The following CLVS1 variants were observed in gnomAD, a reference collection of about 807,000 sequenced individuals.
The protein encoded by CLVS1 is clavesin-1.
Under a neutral mutation model 33.1 loss-of-function variants are expected in CLVS1, and 10 were observed. The observed-to-expected ratio is 0.30, with a 90% confidence interval of 0.19 to 0.51. The LOEUF (loss-of-function observed/expected upper bound fraction) is 0.51, where lower values mean the gene tolerates loss of function less well. Ranked by LOEUF, CLVS1 falls within the 20% of genes least tolerant of loss-of-function variation. The probability of loss-of-function intolerance (pLI) is 0.97; values close to 1 mark genes in which losing one functional copy is unlikely to be tolerated. For synonymous variants in CLVS1, 163 were observed against 166.1 expected, an observed-to-expected ratio of 0.98 and a Z score of 0.14; for missense variants, 343 against 433.4, an observed-to-expected ratio of 0.79 and a Z score of 1.85.
intron 2 of CLVS1, among the ~76,000 whole-genome samples, chr8:61,186,393 C>A (rs901984622): frequency 6.6e-6 from 1 of 152,180 alleles, no homozygotes; most frequent in Non-Finnish European, 1.5e-5. Flanking sequence ...AATTTTCATT[C>A]CTTCTCTGCA....
chr8:61,131,510 C>A (rs1224720660), intron 1 of CLVS1, among the ~76,000 whole-genome samples: 2 of 152,010 alleles, frequency 1.3e-5, no homozygotes, highest in African/African-American at 4.8e-5. Context: ...GAAGGACGGG[C>A]CTTTGGCTGG....
chr8:61,488,887 AGGATG>A (rs1180858310), intron 5 of CLVS1, among the ~76,000 whole-genome samples: 3 of 152,174 alleles, frequency 2.0e-5, no homozygotes, highest in Non-Finnish European at 4.4e-5. Flanking sequence ...TGCAAGTTCC[AGGATG>A]GGTGTGTCTT....
intron 1 of CLVS1, among the ~76,000 whole-genome samples, chr8:61,088,476 C>T (rs546253678): frequency 1.5e-3 from 178 of 120,682 alleles, no homozygotes; most frequent in Non-Finnish European, 2.4e-3. Flanking sequence ...GGTAACAGAG[C>T]GAGACTGTCT....
intron 1 of CLVS1, among the ~76,000 whole-genome samples, chr8:61,091,363 A>G (rs1805246122): frequency 6.6e-6 from 1 of 152,240 alleles, no homozygotes. Flanking sequence ...CTAAGACTCT[A>G]AGACAACATG....
intron 2 of CLVS1, among the ~76,000 whole-genome samples, chr8:61,338,911 C>T (rs936438041): frequency 4.6e-5 from 7 of 152,202 alleles, no homozygotes; most frequent in African/African-American, 1.7e-4. Context: ...TAATTTACAG[C>T]CCCTCCCTTC....
At chr8:60,988,513 C>G in the CLVS1 span, among the ~76,000 whole-genome samples, 1 of 151,596 alleles carries the variant, frequency 6.6e-6, no homozygotes, top group Non-Finnish European at 1.5e-5. Flanking sequence ...CTATGTAAAA[C>G]AGCTGCTGAA....
intron 2 of CLVS1, among the ~76,000 whole-genome samples, chr8:61,212,707 G>C (rs1807996497): frequency 1.3e-5 from 2 of 152,210 alleles, no homozygotes; most frequent in African/African-American, 4.8e-5. Flanking sequence ...AGGCCACAGA[G>C]CGGGTGTGAA....
intron 2 of CLVS1, among the ~76,000 whole-genome samples, chr8:61,199,122 T>C (rs1817635): frequency 0.36 from 54,550 of 152,094 alleles, 11,975 homozygotes; most frequent in Middle Eastern, 0.57. Context: ...GGCCTATTTT[T>C]AGTTCTTTGA....
chr8:61,396,563 G>A (rs925307617), intron 3 of CLVS1, among the ~76,000 whole-genome samples: 2 of 152,100 alleles, frequency 1.3e-5, no homozygotes, highest in African/African-American at 4.8e-5. Flanking sequence ...GTAAGACACT[G>A]ATGTAAAGTG....
At chr8:61,324,867 C>G (rs967343663) in intron 2 of CLVS1, among the ~76,000 whole-genome samples, 9 of 152,058 alleles carry the variant, frequency 5.9e-5, no homozygotes, top group African/African-American at 2.2e-4. Flanking sequence ...AACAGTAATT[C>G]TTTATCTAGA....
At chr8:61,412,412 G>A (rs1263707756) in intron 3 of CLVS1, among the ~76,000 whole-genome samples, 1 of 152,102 alleles carries the variant, frequency 6.6e-6, no homozygotes, top group African/African-American at 2.4e-5. Context: ...GGAGACTTTG[G>A]GAGGAGGAGG....
intron 2 of CLVS1, among the ~76,000 whole-genome samples, chr8:61,273,163 GT>G (rs894431481): frequency 6.7e-6 from 1 of 148,830 alleles, no homozygotes; most frequent in Non-Finnish European, 1.5e-5. Context: ...GTACAGATGG[GT>G]TTTTGGTGTG....
intron 2 of CLVS1, among the ~76,000 whole-genome samples, chr8:61,373,317 C>G (rs1167885512): frequency 6.6e-6 from 1 of 152,210 alleles, no homozygotes; most frequent in Non-Finnish European, 1.5e-5. Flanking sequence ...TGCCCAGTTT[C>G]TCTGGAAAAG....
chr8:60,992,320 G>A, the CLVS1 span, among the ~76,000 whole-genome samples: 1 of 152,116 alleles, frequency 6.6e-6, no homozygotes. Flanking sequence ...CGTATTGAGT[G>A]GAGTTTAATA....
chr8:61,354,433 A>T (rs1403612308), intron 2 of CLVS1, among the ~76,000 whole-genome samples: 1 of 152,080 alleles, frequency 6.6e-6, no homozygotes, highest in Non-Finnish European at 1.5e-5. Context: ...ACTGAAAAAA[A>T]ACTGTACATG....
chr8:61,345,455 G>A (rs770637635), intron 2 of CLVS1, among the ~76,000 whole-genome samples: 5 of 152,184 alleles, frequency 3.3e-5, no homozygotes, highest in Non-Finnish European at 7.4e-5. Context: ...GAAAGCTCAC[G>A]GATGCAGAGG....
intron 2 of CLVS1, among the ~76,000 whole-genome samples, chr8:61,350,642 C>A (rs1585840831): frequency 6.6e-6 from 1 of 152,222 alleles, no homozygotes; most frequent in South Asian, 2.1e-4. Flanking sequence ...TTCTCTTTTC[C>A]ACTCTTACAC....
At chr8:61,372,918 C>T (rs928926457) in intron 2 of CLVS1, among the ~76,000 whole-genome samples, 2 of 152,140 alleles carry the variant, frequency 1.3e-5, no homozygotes, top group South Asian at 4.1e-4. Context: ...GTATCACTGG[C>T]TAGGTTGAGC....
At chr8:61,089,805 T>C (rs1179452733) in intron 1 of CLVS1, among the ~76,000 whole-genome samples, 1 of 151,896 alleles carries the variant, frequency 6.6e-6, no homozygotes, top group Non-Finnish European at 1.5e-5. Context: ...CCTGCAGTCC[T>C]AGCTACTTTG....
Sources: gnomAD v4.1 joint callset for allele counts (sites outside exome capture counted in the v4.1 genomes callset) on GRCh38, gnomAD v4.1.1 for gene constraint, MANE v1.5 for transcripts, NCBI Gene and HGNC (gene_info 2026-07-23, HGNC 2026-07-21) for gene names.